POLR1E: variants seen among roughly 807,000 people sequenced by gnomAD.
POLR1E encodes DNA-directed RNA polymerase I subunit RPA49.
A neutral mutation model predicts 50.9 loss-of-function variants in POLR1E; 37 were observed. That is an observed-to-expected ratio of 0.73 (90% CI 0.56 to 0.96). POLR1E has a LOEUF of 0.96. Ranked by LOEUF, POLR1E falls within the 40% of genes least tolerant of loss-of-function variation. POLR1E has a pLI of 0.00. For missense variants in POLR1E, 426 were observed against 518.1 expected, an observed-to-expected ratio of 0.82 and a Z score of 1.73; for synonymous variants, 166 against 191.6, an observed-to-expected ratio of 0.87 and a Z score of 1.10.
chr9:37,495,046 T>C (rs552032815), intron 6 of POLR1E, 123 bp from the exon 7 acceptor site: 2 of 788,762 alleles, frequency 2.5e-6, no homozygotes, highest in Non-Finnish European at 4.3e-6. Context: ...GAGGTCACTT[T>C]GGCAGAAGCA....
intron 8 of POLR1E, among the ~76,000 whole-genome samples, chr9:37,497,234 A>G (rs1391053442): frequency 6.6e-6 from 1 of 152,236 alleles, no homozygotes; most frequent in Non-Finnish European, 1.5e-5. Context: ...GCATGCCTGT[A>G]ATCCCAGCTA....
intron 8 of POLR1E, among the ~76,000 whole-genome samples, chr9:37,497,023 CCCAATTTATAGATGGAGAAACCAGGGCA>C (rs1168942648): frequency 1.1e-4 from 17 of 152,146 alleles, no homozygotes; most frequent in African/African-American, 3.6e-4. Context: ...TATCATTGGC[CCCAATTTATAGATGGAGAAACCAGGGCA>C]CCAGATACCA....
intron 1 of POLR1E, chr9:37,486,446 C>T: frequency 3.9e-6 from 6 of 1,548,786 alleles, no homozygotes; most frequent in Non-Finnish European, 5.2e-6. Context: ...TAGGTATGTA[C>T]CAGGCCTCTG....
intron 9 of POLR1E, among the ~76,000 whole-genome samples, chr9:37,498,544 C>T (rs1447776077): frequency 6.6e-6 from 1 of 152,188 alleles, no homozygotes; most frequent in Non-Finnish European, 1.5e-5. Flanking sequence ...AAAAGGAAAA[C>T]TTTAAGGGAC....
In POLR1E at chr9:37,492,708, G is replaced by A; in HGVS notation, c.395G>A (p.Arg132Lys). The change falls in exon 5 of 12, where the codon AGA (arginine) becomes AAA (lysine). Residue 132 changes from arginine to lysine, a missense_variant. Transcript: ENST00000377798. ...CTAGAGAGTCAGACCAAAACTTACA[G>A]AGAAAAGGTGAGTGTGATAGAATTA... ...LALESQTKTY[R>K]EKMDSCIEAF... 1 of 1,613,860 alleles carries A rather than the reference G, an allele frequency of 6.2e-7. No individual in the cohort carries two copies. The highest frequency in any genetic ancestry group is 8.5e-7 in the Non-Finnish European group (1 of 1,179,772).
intron 2 of POLR1E, 119 bp downstream of exon 2, chr9:37,486,925 A>C (rs1820588376): frequency 2.0e-5 from 23 of 1,174,092 alleles, no homozygotes; most frequent in Non-Finnish European, 2.6e-5. Context: ...TGGAGCTTTG[A>C]AGAACTCTGA....
chr9:37,490,637 A>G lies in POLR1E; in HGVS notation c.343+1237A>G, dbSNP rs1564322864. On this transcript the variant is annotated intron_variant, in intron 4 of 11. Coordinates refer to ENST00000377798, the MANE Select transcript of POLR1E (RefSeq NM_022490.4). ...GCTTAATGTGCTCAATACGCACACT[A>G]ATTCTCTTGGCAAGAATCTTGCCCT... The G allele has an allele frequency of 6.9e-6, 5 of 725,050 alleles. No homozygotes were observed. In the East Asian group the frequency reaches 1.1e-4, roughly 16 times the overall value. The allele number at this position is 725,050 out of a possible 1,614,324, so 44.9% of individuals were successfully genotyped here. A position where few individuals can be genotyped will look rare whatever the true frequency, so the allele number is the denominator to read the frequency against.
At chr9:37,495,839 C>A in intron 7 of POLR1E, 51 bp from the exon 8 acceptor site, 2 of 1,315,084 alleles carry the variant, frequency 1.5e-6, no homozygotes, top group Non-Finnish European at 2.2e-6. Context: ...GATGACCTAG[C>A]TAGTTGGATG....
chr9:37,503,205 G>T lies in POLR1E; in HGVS notation c.*3G>T, dbSNP rs200196191. On this transcript the variant is annotated 3_prime_UTR_variant, in exon 12 of 12. Coordinates refer to ENST00000377798, the MANE Select transcript of POLR1E (RefSeq NM_022490.4). ...CAAAGCGGAGGAAGATTACCTAGACGCATGCTTTCCAGACAGGGCGTTTTG... is the reference window on the plus strand; with the variant it reads ...CAAAGCGGAGGAAGATTACCTAGACTCATGCTTTCCAGACAGGGCGTTTTG... 1.9e-6 allele frequency: 3 copies of T among 1,600,584 alleles called. No homozygotes were observed. The highest frequency in any genetic ancestry group is 2.2e-5 in the East Asian group (1 of 44,604).
chr9:37,488,011 T>A, intron 3 of POLR1E, 72 bp downstream of exon 3: 1 of 1,488,996 alleles, frequency 6.7e-7, no homozygotes, highest in Non-Finnish European at 9.3e-7. Flanking sequence ...CACTGCTGTT[T>A]CCTGTCTGTT....
intron 3 of POLR1E, 100 bp downstream of exon 3, chr9:37,488,039 C>A: frequency 1.6e-6 from 2 of 1,219,950 alleles, no homozygotes; most frequent in Non-Finnish European, 2.4e-6. Context: ...TAGCAGGAGC[C>A]ATCTAGAGAG....
intron 6 of POLR1E, 54 bp downstream of exon 6, chr9:37,493,757 C>G: frequency 7.2e-7 from 1 of 1,398,520 alleles, no homozygotes; most frequent in Admixed American, 2.5e-5. Flanking sequence ...GCTTTCTCTT[C>G]TCTTGAGATC....
rs1039558063 is a variant in POLR1E at position 37,503,476 on chromosome 9, G to A, written c.*274G>A. The stretch of plus-strand genomic sequence containing the variant: ...GCCTGTAATCCCAGCTACTCGGGAG[G>A]CTGAGGCAGGACGATTACTTGAGCT... On this transcript the variant is annotated 3_prime_UTR_variant, in exon 12 of 12. Transcript: ENST00000377798. 4 of 262,762 alleles carry A rather than the reference G, an allele frequency of 1.5e-5. No individual in the cohort carries two copies. The highest frequency in any genetic ancestry group is 2.1e-5 in the Non-Finnish European group (3 of 139,776). 16.3% of individuals were successfully genotyped at this position (262,762 alleles called of 1,614,324 possible).
chr9:37,498,849 T>C (rs1820828761), intron 9 of POLR1E, among the ~76,000 whole-genome samples: 1 of 152,256 alleles, frequency 6.6e-6, no homozygotes, highest in Admixed American at 6.5e-5. Context: ...TCTATACTCC[T>C]GTTTTTCAGT....
chr9:37,499,801 G>A (rs1440171038), intron 9 of POLR1E, among the ~76,000 whole-genome samples: 1 of 150,842 alleles, frequency 6.6e-6, no homozygotes, highest in African/African-American at 2.5e-5. Context: ...AATGCTGGCT[G>A]GGATTACAGG....
Position 37,496,001 on chromosome 9 carries a change from G to A in POLR1E, c.752+15G>A, listed in dbSNP as rs545783299. ...GAGGAGAACAGGTACCCTGACTTAA[G>A]CAGATGGGGATTCTGGGGAGTGCTG... On this transcript the variant is annotated intron_variant, in intron 8 of 11. Transcript: ENST00000377798. The A allele has an allele frequency of 6.6e-5, 106 of 1,597,150 alleles. No homozygotes were observed. In the South Asian group the frequency reaches 1.1e-3, roughly 16 times the overall value.
intron 9 of POLR1E, among the ~76,000 whole-genome samples, chr9:37,499,727 C>T (rs902206599): frequency 5.3e-5 from 8 of 151,782 alleles, no homozygotes; most frequent in Non-Finnish European, 8.8e-5. Context: ...CGGGGTTTTT[C>T]CATGTTGGCC....
rs1469325623 is a variant in POLR1E, at chr9:37,493,628, A to C, written c.472A>C (p.Arg158=). ...AGCTCTGAACACCAGGAGAATGAACAGAGTTGGCAATGAATCTTTGAATCG... is the reference window on the plus strand; with the variant it reads ...AGCTCTGAACACCAGGAGAATGAACCGAGTTGGCAATGAATCTTTGAATCG... ...KRALNTRRMN[R]VGNESLNRAV... Residue 158 remains arginine (R), a synonymous_variant, in exon 6 of 12, where the codon AGA becomes CGA. Coordinates refer to ENST00000377798, the MANE Select transcript of POLR1E (RefSeq NM_022490.4). 2.5e-6 allele frequency: 4 copies of C among 1,610,770 alleles called. No homozygotes were observed. In the African/African-American group the frequency reaches 4.0e-5, roughly 16 times the overall value.
intron 4 of POLR1E, chr9:37,490,394 A>G: frequency 1.4e-6 from 1 of 719,790 alleles, no homozygotes; most frequent in Admixed American, 1.9e-5. Flanking sequence ...TTTACAGTCC[A>G]GAGGTCTTTC....
Sources: allele counts gnomAD v4.1 joint callset (sites outside exome capture counted in the v4.1 genomes callset), GRCh38; gene constraint gnomAD v4.1.1; transcripts MANE v1.5; gene names NCBI Gene and HGNC (gene_info 2026-07-23, HGNC 2026-07-21).